The following GALNT7 variants were observed in gnomAD, a reference collection of about 807,000 sequenced individuals.
GALNT7 encodes polypeptide N-acetylgalactosaminyltransferase 7.
GALNT7 carries 60 observed loss-of-function variants against 82.1 expected under a neutral mutation model. The ratio of observed to expected loss-of-function variants is 0.73; its 90% CI spans 0.59 to 0.91. The LOEUF (loss-of-function observed/expected upper bound fraction) is 0.91. Ranked by LOEUF, GALNT7 falls within the 40% of genes least tolerant of loss-of-function variation. GALNT7 has a pLI of 0.00. For synonymous variants in GALNT7, 243 were observed against 275.1 expected (o/e 0.88, Z 1.15); for missense variants, 660 against 804.2 (o/e 0.82, Z 2.17).
chr4:173,321,439 G>A, intron 11 of GALNT7, 141 bp from the exon 12 acceptor site: 1 of 624,968 alleles, frequency 1.6e-6, no homozygotes, highest in Non-Finnish European at 2.9e-6. Flanking sequence ...TGACAATCAA[G>A]AGAAATCCAA....
intron 1 of GALNT7, among the ~76,000 whole-genome samples, chr4:173,203,298 A>G (rs567365786): frequency 1.1e-3 from 160 of 152,256 alleles, no homozygotes; most frequent in Non-Finnish European, 1.9e-3. Flanking sequence ...TTTCACCGTT[A>G]GCCAGAATGG....
At chr4:173,298,855 C>A (rs1736815043) in intron 6 of GALNT7, among the ~76,000 whole-genome samples, 1 of 152,198 alleles carries the variant, frequency 6.6e-6, no homozygotes. Flanking sequence ...AAAAATGTTA[C>A]ATAGAATCCT....
chr4:173,321,126 T>C (rs1481120), intron 11 of GALNT7, among the ~76,000 whole-genome samples: 12,751 of 152,136 alleles, frequency 0.084, 885 homozygotes, highest in African/African-American at 0.19. Context: ...CTACAGCATA[T>C]GGTGAGGGCC....
chr4:173,302,424 C>T lies in GALNT7; in HGVS notation c.1266+260C>T, dbSNP rs41278621. 9.2e-5 allele frequency among the ~76,000 whole-genome samples: 14 copies of T among 152,304 alleles called. No homozygotes were observed. Among genetic ancestry groups the T allele is most frequent in the Admixed American group, 3.9e-4 (6 of 15,296 alleles). On this transcript the variant is annotated intron_variant, in intron 7 of 11. Transcript: ENST00000265000. This position sits in a 1 kb window ranked among gnomAD's most constrained non-coding sequence, Gnocchi z 4.2. ...CTTTAGAAATGAAAATATCTACCCC[C>T]ACACCCCAACTTTCTATATATTGGA...
intron 1 of GALNT7, among the ~76,000 whole-genome samples, chr4:173,209,633 C>G (rs1011199278): frequency 2.0e-5 from 3 of 152,232 alleles, no homozygotes; most frequent in Non-Finnish European, 4.4e-5. Flanking sequence ...AATCTGATCT[C>G]CTAATCTCTG....
chr4:173,216,725 A>ATTTTTT (rs1277080433), intron 1 of GALNT7, among the ~76,000 whole-genome samples: 14 of 8,458 alleles, frequency 1.7e-3, no homozygotes, highest in Non-Finnish European at 4.2e-3. Context: ...ATATATATAT[A>ATTTTTT]TATTTTTTTT....
intron 1 of GALNT7, among the ~76,000 whole-genome samples, chr4:173,238,098 T>A (rs1482474172): frequency 6.6e-6 from 1 of 152,226 alleles, no homozygotes; most frequent in Non-Finnish European, 1.5e-5. Context: ...GTATATTTCC[T>A]CTCTCCATGT....
At chr4:173,264,893 C>T (rs114342920) in intron 2 of GALNT7, among the ~76,000 whole-genome samples, 2,160 of 152,312 alleles carry the variant, frequency 0.014, 17 homozygotes, top group Non-Finnish European at 0.023. Context: ...AGTGGCTTCA[C>T]AGCCCTTGGG....
chr4:173,220,036 C>CT (rs1182164114), intron 1 of GALNT7, among the ~76,000 whole-genome samples: 5 of 152,128 alleles, frequency 3.3e-5, no homozygotes, highest in African/African-American at 4.8e-5. Context: ...GTTGCATTTG[C>CT]TTTTGGGTCC....
Position 173,298,307 on chromosome 4 carries a change from A to C in GALNT7, c.1148+10A>C, listed in dbSNP as rs757538866. The C allele has an allele frequency of 1.4e-5, 21 of 1,528,874 alleles. No homozygotes were observed. The South Asian group carries it at 2.7e-4, about 20-fold the overall frequency. The allele number at this position is 1,528,874 out of a possible 1,614,324, so 94.7% of individuals were successfully genotyped here. On this transcript the variant is annotated intron_variant, in intron 6 of 11. Transcript: ENST00000265000. The stretch of plus-strand genomic sequence containing the variant: ...AAACTGAACCGTATCGGTAATCACT[A>C]AATCACTTACATATTTTTCTTTTCT...
chr4:173,191,864 T>G (rs1358344625), intron 1 of GALNT7, among the ~76,000 whole-genome samples: 2 of 152,242 alleles, frequency 1.3e-5, no homozygotes, highest in Non-Finnish European at 2.9e-5. Flanking sequence ...TTAGTGGATT[T>G]TTTTAGGTGT....
intron 2 of GALNT7, among the ~76,000 whole-genome samples, chr4:173,290,379 T>C (rs1221587103): frequency 6.6e-6 from 1 of 152,220 alleles, no homozygotes; most frequent in Non-Finnish European, 1.5e-5. Context: ...AGTCTATACG[T>C]ACTCATCTGA....
At chr4:173,273,583 A>G (rs1351304532) in intron 2 of GALNT7, among the ~76,000 whole-genome samples, 4 of 152,162 alleles carry the variant, frequency 2.6e-5, no homozygotes, top group African/African-American at 9.7e-5. Context: ...TTTACCCATA[A>G]GAAGTATTTG....
chr4:173,223,770 A>G (rs1733713829), intron 1 of GALNT7, among the ~76,000 whole-genome samples: 1 of 152,198 alleles, frequency 6.6e-6, no homozygotes. Context: ...AGCTGTTAAT[A>G]TTTTAACAAA....
intron 6 of GALNT7, 78 bp downstream of exon 6, chr4:173,298,375 T>C (rs921917836): frequency 1.1e-6 from 1 of 939,366 alleles, no homozygotes; most frequent in Non-Finnish European, 1.6e-6. Context: ...AGCTAAAGAT[T>C]CGTTATTAAA....
intron 1 of GALNT7, among the ~76,000 whole-genome samples, chr4:173,206,450 C>T (rs1733101502): frequency 6.6e-6 from 1 of 152,138 alleles, no homozygotes; most frequent in South Asian, 2.1e-4. Flanking sequence ...AGTCCTATTC[C>T]TCCATTTCTT....
intron 2 of GALNT7, among the ~76,000 whole-genome samples, chr4:173,260,347 G>T (rs921249868): frequency 2.0e-5 from 3 of 152,184 alleles, no homozygotes; most frequent in African/African-American, 7.2e-5. Context: ...AAGCAATTCT[G>T]TCAGGCTGTT....
At chr4:173,220,591 G>A (rs1286870710) in intron 1 of GALNT7, among the ~76,000 whole-genome samples, 4 of 151,820 alleles carry the variant, frequency 2.6e-5, no homozygotes, top group Non-Finnish European at 4.4e-5. Flanking sequence ...ATGCTGGTGC[G>A]CTGCACCCAT....
chr4:173,274,757 A>G (rs745440508), intron 2 of GALNT7, among the ~76,000 whole-genome samples: 6 of 152,198 alleles, frequency 3.9e-5, no homozygotes, highest in Admixed American at 6.5e-5. Flanking sequence ...TAATAGCAAA[A>G]TCACCATTTA....
Sources: allele counts gnomAD v4.1 joint callset (sites outside exome capture counted in the v4.1 genomes callset), GRCh38; gene constraint gnomAD v4.1.1; non-coding constraint Gnocchi (gnomAD v3.1); transcripts MANE v1.5; gene names NCBI Gene and HGNC (gene_info 2026-07-23, HGNC 2026-07-21).